Variants in MYMX observed in about 807,000 individuals in gnomAD.
MYMX encodes protein myomixer.
At chr6:44,201,996 AT>A in the MYMX span, among the ~76,000 whole-genome samples, 15 of 98,252 alleles carry the variant, frequency 1.5e-4, no homozygotes, top group Non-Finnish European at 1.3e-4. Context: ...ACCCAGACAC[AT>A]GTTTTTAATG....
chr6:44,203,112 G>A, the MYMX span, among the ~76,000 whole-genome samples: 2 of 152,162 alleles, frequency 1.3e-5, no homozygotes, highest in South Asian at 2.1e-4. Flanking sequence ...CGTGGAGTAC[G>A]CACTTTGGTG....
At chr6:44,212,545 G>C (rs1775647771), upstream of MYMX, among the ~76,000 whole-genome samples, 1 of 151,630 alleles carries the variant, frequency 6.6e-6, no homozygotes, top group Non-Finnish European at 1.5e-5. Context: ...TACATGTATT[G>C]AAATATCACT....
At chr6:44,208,365 A>C in the MYMX span, among the ~76,000 whole-genome samples, 1 of 152,296 alleles carries the variant, frequency 6.6e-6, no homozygotes, top group African/African-American at 2.4e-5. Context: ...AACCTTGGGA[A>C]CTCCCTTAAT....
chr6:44,198,359 G>T, the MYMX span, among the ~76,000 whole-genome samples: 2 of 151,440 alleles, frequency 1.3e-5, no homozygotes, highest in South Asian at 4.2e-4. Context: ...TAGAGATGGG[G>T]TTTCACCGTG....
In MYMX at chr6:44,217,599, AG is replaced by A. The variant is rs1775950443; in HGVS notation, c.130del (p.Asp44ThrfsTer37). The A allele has an allele frequency of 2.5e-6, 1 of 401,694 alleles. No individual in the cohort carries two copies. Among genetic ancestry groups the A allele is most frequent in the South Asian group, 1.2e-4 (1 of 8,014 alleles). 24.9% of individuals were successfully genotyped at this position (401,694 alleles called of 1,614,324 possible). On this transcript the variant is annotated frameshift_variant, in exon 2 of 2. Transcript: ENST00000573382. LOFTEE classifies it high-confidence loss of function. Reference protein sequence around the residue: ...LRRLARRLGSQDMREALLGCL... With the variant: ...LRRLARRLGSXDMREALLGCL... Reference sequence around the variant, plus strand: ...CGATTGGCCCGCCGCCTGGGCTCCCAGGACATGCGAGAGGCTTTGCTGGGCT... The same window carrying A: ...CGATTGGCCCGCCGCCTGGGCTCCCAGACATGCGAGAGGCTTTGCTGGGCT...
the MYMX span, among the ~76,000 whole-genome samples, chr6:44,211,788 T>TTGTGTGTTTGTG: frequency 9.5e-5 from 12 of 126,382 alleles, no homozygotes; most frequent in African/African-American, 3.4e-4. Context: ...CAGCTAGGTT[T>TTGTGTGTTTGTG]TGTGTGTGTG....
the MYMX span, among the ~76,000 whole-genome samples, chr6:44,197,482 G>A: frequency 1.3e-5 from 2 of 152,196 alleles, no homozygotes; most frequent in Non-Finnish European, 2.9e-5. Context: ...GCAGTGAGCT[G>A]AGATCATGCC....
chr6:44,202,692 G>T, the MYMX span, among the ~76,000 whole-genome samples: 1 of 152,090 alleles, frequency 6.6e-6, no homozygotes, highest in East Asian at 1.9e-4. Flanking sequence ...AAGGGAGGTG[G>T]GGTGGAGCTA....
chr6:44,206,961 G>C, the MYMX span, among the ~76,000 whole-genome samples: 18 of 152,100 alleles, frequency 1.2e-4, no homozygotes. Flanking sequence ...CAGTCTATAA[G>C]GGGCCTATGA....
the MYMX span, among the ~76,000 whole-genome samples, chr6:44,195,310 C>T: frequency 2.6e-5 from 4 of 152,102 alleles, no homozygotes; most frequent in East Asian, 1.9e-4. Flanking sequence ...CAAGCTACCA[C>T]GCCTGGCCAC....
chr6:44,216,243 C>G (rs1044717186), upstream of MYMX, among the ~76,000 whole-genome samples: 3 of 152,218 alleles, frequency 2.0e-5, no homozygotes, highest in Non-Finnish European at 4.4e-5. Flanking sequence ...GCAAGTGGGT[C>G]TCATATATTG....
chr6:44,201,451 G>A, the MYMX span, among the ~76,000 whole-genome samples: 101 of 152,256 alleles, frequency 6.6e-4, no homozygotes, highest in Middle Eastern at 3.4e-3. Flanking sequence ...CCTTGTTTAG[G>A]GGTCAGAGCT....
At chr6:44,217,142 G>C (rs1775920402) in intron 1 of MYMX, 174 bp downstream of exon 1, 1 of 276,740 alleles carries the variant, frequency 3.6e-6, no homozygotes, top group Non-Finnish European at 6.7e-6. Context: ...TGCAAGAGGA[G>C]GGGGTGACTA....
the MYMX span, among the ~76,000 whole-genome samples, chr6:44,211,420 G>A: frequency 6.6e-6 from 1 of 152,022 alleles, no homozygotes; most frequent in Admixed American, 6.6e-5. Flanking sequence ...CTAGTTTGGA[G>A]GTTATTTAAG....
At chr6:44,209,516 A>T in the MYMX span, among the ~76,000 whole-genome samples, 324 of 152,358 alleles carry the variant, frequency 2.1e-3, 1 homozygote, top group African/African-American at 7.0e-3. Context: ...GATGATGGCT[A>T]GCTTTGTCTA....
At chr6:44,212,266 G>A (rs1242811983), upstream of MYMX, among the ~76,000 whole-genome samples, 2 of 151,858 alleles carry the variant, frequency 1.3e-5, no homozygotes, top group Non-Finnish European at 2.9e-5. Flanking sequence ...TTAGCTGGGC[G>A]TGGTAGCATG....
upstream of MYMX, among the ~76,000 whole-genome samples, chr6:44,212,646 T>C (rs944692755): frequency 8.6e-5 from 13 of 151,694 alleles, no homozygotes; most frequent in African/African-American, 3.1e-4. Context: ...GGAGAAAGAA[T>C]TTTGTATAGT....
the MYMX span, among the ~76,000 whole-genome samples, chr6:44,210,512 TG>T: frequency 6.6e-6 from 1 of 152,074 alleles, no homozygotes; most frequent in Middle Eastern, 3.2e-3. Context: ...CTCCAAGGCC[TG>T]GGGGCCTCAA....
At chr6:44,214,148 C>A (rs948809409), upstream of MYMX, among the ~76,000 whole-genome samples, 5 of 152,122 alleles carry the variant, frequency 3.3e-5, no homozygotes, top group African/African-American at 1.2e-4. Context: ...GTTTTATAAG[C>A]ATCATTCAGG....
Sources: allele counts gnomAD v4.1 joint callset (sites outside exome capture counted in the v4.1 genomes callset), GRCh38; gene constraint gnomAD v4.1.1; transcripts MANE v1.5; gene names NCBI Gene and HGNC (gene_info 2026-07-23, HGNC 2026-07-21).